Variants in BAK1 observed in about 807,000 individuals in gnomAD.
The protein encoded by BAK1 is BCL2 antagonist/killer 1.
In BAK1, 19 loss-of-function variants were observed where a neutral mutation model predicts 24.7. That is an observed-to-expected ratio of 0.77 (90% CI 0.54 to 1.13). The LOEUF (loss-of-function observed/expected upper bound fraction) is 1.13, where lower values mean the gene tolerates loss of function less well. BAK1 is among the 50% of genes most tolerant of loss of function. BAK1 has a pLI of 0.00. For missense variants in BAK1, 194 were observed against 279.4 expected (o/e 0.69, Z 2.18); for synonymous variants, 86 against 107.3 (o/e 0.80, Z 1.23).
rs971169411 is a variant in BAK1, at chr6:33,575,683, A to G, written c.206+110T>C. ...AACATAAAAGAGGAGCAACCATGAG[A>G]GAAGGGCAAGACCCCCGAGGCCTCC... On this transcript the variant is annotated intron_variant, in intron 3 of 5. Coordinates refer to ENST00000374467, the MANE Select transcript of BAK1 (RefSeq NM_001188.4). This position sits in a 1 kb window ranked among gnomAD's most constrained non-coding sequence, Gnocchi z 6.3. The G allele has an allele frequency of 2.7e-6, 4 of 1,491,480 alleles. No individual in the cohort carries two copies. Among genetic ancestry groups the G allele is most frequent in the Non-Finnish European group, 3.6e-6 (4 of 1,108,798 alleles). The allele number at this position is 1,491,480 out of a possible 1,614,324, so 92.4% of individuals were successfully genotyped here. A position where few individuals can be genotyped will look rare whatever the true frequency, so the allele number is the denominator to read the frequency against.
rs1310178947 is a variant in BAK1, at chr6:33,578,889, C to A, written c.-32+1136G>T. 6.6e-6 allele frequency among the ~76,000 whole-genome samples: 1 copy of A among 152,146 alleles called. No homozygotes were observed. ...CAAGCACACAGCCCCACCCCCACCG[C>A]CCAGGGCCTGGGGACCTTCGCCCAC... On this transcript the variant is annotated intron_variant, in intron 1 of 5. Transcript: ENST00000374467. This position sits in a 1 kb window ranked among gnomAD's most constrained non-coding sequence, Gnocchi z 4.8.
chr6:33,574,872 A>T (rs1762817453), intron 4 of BAK1, among the ~76,000 whole-genome samples: 1 of 152,204 alleles, frequency 6.6e-6, no homozygotes, highest in African/African-American at 2.4e-5. Context: ...CGGTGTCTTT[A>T]ACCACTTGGA....
chr6:33,576,619 C>T (rs1165801293), intron 2 of BAK1, among the ~76,000 whole-genome samples: 3 of 149,208 alleles, frequency 2.0e-5, no homozygotes, highest in Non-Finnish European at 3.0e-5. Context: ...GGCAATAGAG[C>T]GAGACTCCAT....
chr6:33,574,083 AAGTCGACCACGAAGCGGG>A lies in BAK1; in HGVS notation c.464_481del (p.Thr155_Phe161delinsIle), dbSNP rs1762804216. On this transcript the variant is annotated inframe_deletion, in exon 5 of 6. Transcript: ENST00000374467. ...CCGGGCAATGCAGTGATGCAGCATG[AAGTCGACCACGAAGCGGG>A]TCACCTGGCCTAGGAAGCCAGTCAG... The A allele has an allele frequency of 6.2e-7, 1 of 1,614,132 alleles. No individual in the cohort carries two copies. Among genetic ancestry groups the A allele is most frequent in the Admixed American group, 1.7e-5 (1 of 60,012 alleles).
At chr6:33,576,797 A>G (rs1361475451) in intron 2 of BAK1, among the ~76,000 whole-genome samples, 1 of 152,158 alleles carries the variant, frequency 6.6e-6, no homozygotes. Flanking sequence ...GGAGCAGGCA[A>G]TCCCCAGCTG....
In BAK1 at chr6:33,574,153, G is replaced by T. The variant is rs1762805533; in HGVS notation, c.412C>A (p.Leu138Met). 1 of 1,614,076 alleles carries T rather than the reference G, an allele frequency of 6.2e-7. No individual in the cohort carries two copies. The highest frequency in any genetic ancestry group is 1.3e-5 in the African/African-American group (1 of 74,944). ...VVALLGFGYR[L>M]ALHVYQHGLT... is the part of the protein sequence containing the mutation. ...CCATGCTGGTAGACGTGTAGGGCCA[G>T]ACGGTAGCCGAAGCCCAGAAGAGCC... The change falls in exon 5 of 6, where the codon CTG (leucine) becomes ATG (methionine). Residue 138 changes from leucine to methionine, a missense_variant. Coordinates refer to ENST00000374467, the MANE Select transcript of BAK1 (RefSeq NM_001188.4).
At chr6:33,579,416 C>A (rs1270827397) in intron 1 of BAK1, among the ~76,000 whole-genome samples, 1 of 152,136 alleles carries the variant, frequency 6.6e-6, no homozygotes, top group Non-Finnish European at 1.5e-5. Context: ...GGCCTTCCTT[C>A]TTCCCCAGTC....
Position 33,573,496 on chromosome 6 carries a change from T to C in BAK1, c.*307A>G, listed in dbSNP as rs1001191226. ...CTGGGGAGAAGTGGCTCCCAGTCTC[T>C]TGCCTCCCCAAGTTATCAGTCTCCC... On this transcript the variant is annotated 3_prime_UTR_variant, in exon 6 of 6. Coordinates refer to ENST00000374467, the MANE Select transcript of BAK1 (RefSeq NM_001188.4). The C allele has an allele frequency of 3.8e-5, 15 of 391,742 alleles. No homozygotes were observed. The Admixed American group carries it at 5.5e-4, about 14-fold the overall frequency. 24.3% of individuals were successfully genotyped at this position (391,742 alleles called of 1,614,324 possible).
In BAK1 at chr6:33,573,469, T is replaced by A. The variant is rs1201270730; in HGVS notation, c.*334A>T. On this transcript the variant is annotated 3_prime_UTR_variant, in exon 6 of 6. Transcript: ENST00000374467. ...TAAAAAGCTAAAACCGTTAAACACT[T>A]TCTGGGGAGAAGTGGCTCCCAGTCT... The A allele has an allele frequency of 5.9e-6, 2 of 336,598 alleles. No individual in the cohort carries two copies. The highest frequency in any genetic ancestry group is 4.1e-5 in the African/African-American group (2 of 48,846). 20.9% of individuals were successfully genotyped at this position (336,598 alleles called of 1,614,324 possible). A position where few individuals can be genotyped will look rare whatever the true frequency, so the allele number is the denominator to read the frequency against.
rs1479434464 is a variant in BAK1, at chr6:33,575,635, G to C, written c.206+158C>G. ...AGGCATGGGCTAAAAAGGATACAAG[G>C]TCCTGGATGGGGGTGGGAGCCCAAC... On this transcript the variant is annotated intron_variant, in intron 3 of 5. Transcript: ENST00000374467. This position sits in a 1 kb window ranked among gnomAD's most constrained non-coding sequence, Gnocchi z 6.3. Among the ~76,000 whole-genome samples the C allele has an allele frequency of 6.6e-6, 1 of 152,096 alleles. No individual in the cohort carries two copies. Among genetic ancestry groups the C allele is most frequent in the East Asian group, 1.9e-4 (1 of 5,192 alleles).
rs1289842789 is a variant in BAK1 at position 33,574,168 on chromosome 6, C to G, written c.397G>C (p.Gly133Arg). ...TGTAGGGCCAGACGGTAGCCGAAGC[C>G]CAGAAGAGCCACCACACGGCCCCAA... is the stretch of plus-strand genomic sequence containing the variant. ...INWGRVVALL[G>R]FGYRLALHVY... The change falls in exon 5 of 6, where the codon GGC (glycine) becomes CGC (arginine). Residue 133 changes from glycine (G) to arginine (R), a missense_variant. Coordinates refer to ENST00000374467, the MANE Select transcript of BAK1 (RefSeq NM_001188.4). 6.8e-6 allele frequency: 11 copies of G among 1,613,812 alleles called. No homozygotes were observed. Among genetic ancestry groups the G allele is most frequent in the Non-Finnish European group, 8.5e-6 (10 of 1,179,972 alleles).
At position 33,578,643 on chromosome 6, in the gene BAK1, T is replaced by A. The variant is rs1177176172; in HGVS notation, c.-31-1008A>T. Among the ~76,000 whole-genome samples the A allele has an allele frequency of 6.6e-6, 1 of 152,132 alleles. No homozygotes were observed. Among genetic ancestry groups the A allele is most frequent in the Non-Finnish European group, 1.5e-5 (1 of 68,034 alleles). On this transcript the variant is annotated intron_variant, in intron 1 of 5. Coordinates refer to ENST00000374467, the MANE Select transcript of BAK1 (RefSeq NM_001188.4). This position sits in a 1 kb window ranked among gnomAD's most constrained non-coding sequence, Gnocchi z 4.8. ...CCTCGTACTCCCACCACACACCTGG[T>A]CTTCTGTCCCCGGCCCCAATTTTCC... is the stretch of plus-strand genomic sequence containing the variant.
rs186474429 is a variant in BAK1, at chr6:33,573,892, A to G, written c.547T>C (p.Leu183=). 1.2e-6 allele frequency: 2 copies of G among 1,614,222 alleles called. 1 individual carries two copies. The highest frequency in any genetic ancestry group is 3.3e-5 in the Admixed American group (2 of 60,026). Residue 183 remains leucine (L), a synonymous_variant, in exon 6 of 6, where the codon TTG becomes CTG. Coordinates refer to ENST00000374467, the MANE Select transcript of BAK1 (RefSeq NM_001188.4). ...ACGTTCAGGATGGGACCATTGCCCA[A>G]GTTCAGGGCTGCCACCTGCCGGGAG... ...QRGGWVAALN[L]GNGPILNVLV... is the part of the protein sequence containing the mutation.
rs778071616 is a variant in BAK1 at position 33,574,156 on chromosome 6, G to A, written c.409C>T (p.Arg137Cys). 15 of 1,613,932 alleles carry A rather than the reference G, an allele frequency of 9.3e-6. No homozygotes were observed. The highest frequency in any genetic ancestry group is 3.3e-5 in the Admixed American group (2 of 59,984). The stretch of plus-strand genomic sequence containing the variant: ...TGCTGGTAGACGTGTAGGGCCAGAC[G>A]GTAGCCGAAGCCCAGAAGAGCCACC... ...RVVALLGFGY[R>C]LALHVYQHGL... The change falls in exon 5 of 6, where the codon CGT (arginine) becomes TGT (cysteine). Residue 137 changes from arginine to cysteine, a missense_variant. Transcript: ENST00000374467.
chr6:33,575,371 ACT>A lies in BAK1; in HGVS notation c.275_276del (p.Glu92ValfsTer17), dbSNP rs1165454774. 1 of 1,613,992 alleles carries A rather than the reference ACT, an allele frequency of 6.2e-7. No individual in the cohort carries two copies. The highest frequency in any genetic ancestry group is 8.5e-7 in the Non-Finnish European group (1 of 1,179,976). ...TGCAGGTGCTGCAACATGGTCTGGA[ACT>A]CTGAGTCATAGCGTCGGTTGATGTC... is the stretch of plus-strand genomic sequence containing the variant. ...GDDINRRYDS[E>X]FQTMLQHLQP... On this transcript the variant is annotated frameshift_variant, in exon 4 of 6. Coordinates refer to ENST00000374467, the MANE Select transcript of BAK1 (RefSeq NM_001188.4). LOFTEE classifies it high-confidence loss of function. The surrounding 1 kb of genome is among the most constrained non-coding windows in gnomAD (Gnocchi z 6.3).
At chr6:33,579,352 CA>C (rs537296376) in intron 1 of BAK1, among the ~76,000 whole-genome samples, 2 of 150,458 alleles carry the variant, frequency 1.3e-5, no homozygotes, top group African/African-American at 2.4e-5. Flanking sequence ...TTTCAAAAAA[CA>C]AAAAAAAAGA....
intron 2 of BAK1, among the ~76,000 whole-genome samples, chr6:33,576,413 G>A (rs1762846391): frequency 6.6e-6 from 1 of 151,140 alleles, no homozygotes; most frequent in Admixed American, 6.6e-5. Flanking sequence ...GGCGGATCAC[G>A]AGGTCAGGAG....
chr6:33,579,865 G>T (rs751587194), intron 1 of BAK1, among the ~76,000 whole-genome samples, 160 bp downstream of exon 1: 2 of 152,236 alleles, frequency 1.3e-5, no homozygotes, highest in African/African-American at 4.8e-5. Flanking sequence ...GGCAGCCAGA[G>T]GCAGGCATGG....
rs549160591 is a variant in BAK1 at position 33,578,923 on chromosome 6, C to T, written c.-32+1102G>A. Among the ~76,000 whole-genome samples, 11 of 152,252 alleles carry T rather than the reference C, an allele frequency of 7.2e-5. No individual in the cohort carries two copies. The East Asian group carries it at 7.7e-4, about 11-fold the overall frequency. ...TGGGGACCTTCGCCCACCCTCCTTC[C>T]GCTAGGCCTGGGAGTGTTTTCGAAA... On this transcript the variant is annotated intron_variant, in intron 1 of 5. Transcript: ENST00000374467. The surrounding 1 kb of genome is among the most constrained non-coding windows in gnomAD (Gnocchi z 4.8).
Sources: allele counts gnomAD v4.1 joint callset (sites outside exome capture counted in the v4.1 genomes callset), GRCh38; gene constraint gnomAD v4.1.1; non-coding constraint Gnocchi (gnomAD v3.1); transcripts MANE v1.5; gene names NCBI Gene and HGNC (gene_info 2026-07-23, HGNC 2026-07-21).